The following OR1L8 variants were observed in gnomAD, a reference collection of about 807,000 sequenced individuals.
OR1L8 encodes the protein olfactory receptor 1L8.
For synonymous variants in OR1L8, 148 were observed against 147.0 expected, an observed-to-expected ratio of 1.01 and a Z score of -0.05; for missense variants, 330 against 377.4, an observed-to-expected ratio of 0.87 and a Z score of 1.04.
At chr9:122,549,326 T>TGCTG in the OR1L8 span, among the ~76,000 whole-genome samples, 1 of 152,200 alleles carries the variant, frequency 6.6e-6, no homozygotes, top group Non-Finnish European at 1.5e-5. Context: ...CAGAAGCAGA[T>TGCTG]GCTGGCACTA....
the OR1L8 span, chr9:122,553,904 C>T: frequency 1.9e-6 from 3 of 1,614,044 alleles, no homozygotes; most frequent in Admixed American, 1.7e-5. Flanking sequence ...TGTTTGTCAT[C>T]TCATCTCCTG....
chr9:122,553,598 C>A, the OR1L8 span: 1 of 1,614,016 alleles, frequency 6.2e-7, no homozygotes, highest in Non-Finnish European at 8.5e-7. Flanking sequence ...ATGTGGCCAT[C>A]TGCCAACCAC....
the OR1L8 span, among the ~76,000 whole-genome samples, chr9:122,561,241 G>A: frequency 3.3e-5 from 5 of 152,126 alleles, no homozygotes; most frequent in African/African-American, 1.2e-4. Flanking sequence ...GCTCATGTAA[G>A]CCTTTATCAA....
At chr9:122,564,381 A>G (rs1331383385), downstream of OR1L8, among the ~76,000 whole-genome samples, 1 of 152,128 alleles carries the variant, frequency 6.6e-6, no homozygotes, top group Non-Finnish European at 1.5e-5. Flanking sequence ...GAATCCCCAC[A>G]TTTGTTTCCT....
chr9:122,549,667 G>A, the OR1L8 span, among the ~76,000 whole-genome samples: 3 of 152,068 alleles, frequency 2.0e-5, no homozygotes, highest in Admixed American at 1.3e-4. Context: ...ATATCAGTTG[G>A]CTGTAAGTAT....
At chr9:122,565,654 A>G (rs1279345722), downstream of OR1L8, among the ~76,000 whole-genome samples, 1 of 152,222 alleles carries the variant, frequency 6.6e-6, no homozygotes, top group Non-Finnish European at 1.5e-5. Context: ...TAGAAGAAGT[A>G]TGGATCCCGT....
downstream of OR1L8, among the ~76,000 whole-genome samples, chr9:122,563,566 T>C (rs1829385517): frequency 6.6e-6 from 1 of 152,268 alleles, no homozygotes; most frequent in African/African-American, 2.4e-5. Flanking sequence ...GTAGGTTGTC[T>C]CTTTGCTCTG....
rs757905117 is a variant in OR1L8 at position 122,567,904 on chromosome 9, A to G, written c.574T>C (p.Ser192Pro). Reference protein sequence around the residue: ...LSPVLKLSCSSIFVNEIVQMT... With the variant: ...LSPVLKLSCSPIFVNEIVQMT... Reference sequence around the variant, plus strand: ...TGCACAATTTCATTGACAAATATGGAAGAGCAGGACAATTTCAGCACAGGG... The same window carrying G: ...TGCACAATTTCATTGACAAATATGGGAGAGCAGGACAATTTCAGCACAGGG... Residue 192 changes from serine (S) to proline (P), a missense_variant, in exon 5 of 5, where the codon TCC (serine) becomes CCC (proline). Coordinates refer to ENST00000641027, the MANE Select transcript of OR1L8 (RefSeq NM_001004454.2). 3.7e-6 allele frequency: 6 copies of G among 1,613,954 alleles called. No individual in the cohort carries two copies. The Admixed American group carries it at 6.7e-5, about 18-fold the overall frequency.
chr9:122,567,562 T>A lies in OR1L8; in HGVS notation c.916A>T (p.Ser306Cys), dbSNP rs1206587013. ...GAGGGTGCTTCCTAGGATCTCTTGC[T>A]CATAAGCTTCCTCAGGCCCTGTTTC... ...DLKQGLRKLMSKRS is the reference protein window; with the variant it reads ...DLKQGLRKLMCKRS The change falls in exon 5 of 5, where the codon AGC becomes TGC. Residue 306 changes from serine to cysteine, a missense_variant. Physicochemically the swap from Ser to Cys is moderately radical, Grantham distance 112. Transcript: ENST00000641027. 6.3e-7 allele frequency: 1 copy of A among 1,583,146 alleles called. No homozygotes were observed. Among genetic ancestry groups the A allele is most frequent in the East Asian group, 2.2e-5 (1 of 44,732 alleles).
At chr9:122,578,779 G>A (rs1829699451) in intron 1 of OR1L8, among the ~76,000 whole-genome samples, 1 of 152,008 alleles carries the variant, frequency 6.6e-6, no homozygotes, top group Non-Finnish European at 1.5e-5. Flanking sequence ...GCATAAGAAT[G>A]ATACAATGAA....
In OR1L8 at chr9:122,568,105, C is replaced by T. The variant is rs757889401; in HGVS notation, c.373G>A (p.Val125Met). 1.7e-5 allele frequency: 27 copies of T among 1,613,900 alleles called. No homozygotes were observed. The change falls in exon 5 of 5, where the codon GTG becomes ATG. Residue 125 changes from valine to methionine, a missense_variant. Val to Met is a conservative substitution (Grantham distance 21). Coordinates refer to ENST00000641027, the MANE Select transcript of OR1L8 (RefSeq NM_001004454.2). Reference sequence around the variant, plus strand: ...TAGTGGAAAGGGTCACAGACGGCCACATAGCGGTCAAAGGCCATGACTGCC... The same window carrying T: ...TAGTGGAAAGGGTCACAGACGGCCATATAGCGGTCAAAGGCCATGACTGCC... Reference protein sequence around the residue: ...LLAVMAFDRYVAVCDPFHYVT... With the variant: ...LLAVMAFDRYMAVCDPFHYVT...
the OR1L8 span, among the ~76,000 whole-genome samples, chr9:122,558,930 C>A: frequency 6.6e-6 from 1 of 151,944 alleles, no homozygotes; most frequent in Non-Finnish European, 1.5e-5. Flanking sequence ...TTAATTGACA[C>A]AATGATTATA....
chr9:122,570,896 G>A (rs1297694994), intron 4 of OR1L8, among the ~76,000 whole-genome samples: 1 of 152,144 alleles, frequency 6.6e-6, no homozygotes, highest in Non-Finnish European at 1.5e-5. Context: ...GGAATTAAGA[G>A]GCATATGTTA....
the OR1L8 span, chr9:122,554,013 A>C: frequency 3.8e-5 from 61 of 1,613,578 alleles, no homozygotes; most frequent in Middle Eastern, 1.6e-4. Flanking sequence ...TCCTCCATCA[A>C]CTTACTCTAC....
chr9:122,579,929 A>G (rs1268878970), intron 1 of OR1L8, among the ~76,000 whole-genome samples: 1 of 152,164 alleles, frequency 6.6e-6, no homozygotes, highest in Non-Finnish European at 1.5e-5. Context: ...TGACCCACCT[A>G]AAGTACTTCT....
chr9:122,565,034 C>T (rs1426748900), downstream of OR1L8, among the ~76,000 whole-genome samples: 1 of 152,176 alleles, frequency 6.6e-6, no homozygotes, highest in African/African-American at 2.4e-5. Flanking sequence ...ATTCAAGGGA[C>T]TTATACTTCC....
At chr9:122,564,142 G>A (rs1578427), downstream of OR1L8, among the ~76,000 whole-genome samples, 41,430 of 151,970 alleles carry the variant, frequency 0.27, 5,812 homozygotes, top group Middle Eastern at 0.35. Flanking sequence ...GTTGATTCCA[G>A]GAGACACGAA....
At chr9:122,569,774 AC>A (rs1829506736) in intron 4 of OR1L8, among the ~76,000 whole-genome samples, 1 of 152,012 alleles carries the variant, frequency 6.6e-6, no homozygotes, top group Admixed American at 6.6e-5. Context: ...TGTGTGCTGC[AC>A]CCATTAACTC....
Position 122,567,777 on chromosome 9 carries a change from C to T in OR1L8, c.701G>A (p.Gly234Glu). Residue 234 changes from glycine (G) to glutamate (E), a missense_variant, in exon 5 of 5, where the codon GGG becomes GAG. By Grantham distance (98) the Gly-to-Glu change is moderately conservative (BLOSUM62 -2). Coordinates refer to ENST00000641027, the MANE Select transcript of OR1L8 (RefSeq NM_001004454.2). ...TTVLKIPSTSGKRKAFSTCGF... is the reference protein window; with the variant it reads ...TTVLKIPSTSEKRKAFSTCGF... ...ACAGGTGGAGAAGGCTTTGCGTTTC[C>T]CAGAAGTAGAGGGAATCTTGAGAAC... The T allele has an allele frequency of 6.2e-7, 1 of 1,613,966 alleles. No individual in the cohort carries two copies. The highest frequency in any genetic ancestry group is 8.5e-7 in the Non-Finnish European group (1 of 1,179,966).
Sources: allele counts gnomAD v4.1 joint callset (sites outside exome capture counted in the v4.1 genomes callset), GRCh38; gene constraint gnomAD v4.1.1; transcripts MANE v1.5; gene names NCBI Gene and HGNC (gene_info 2026-07-23, HGNC 2026-07-21).